Variants in DOK7 observed in about 807,000 individuals in gnomAD.
The protein encoded by DOK7 is docking protein 7.
In DOK7, 32 loss-of-function variants were observed where a neutral mutation model predicts 30.7. That is an observed-to-expected ratio of 1.04 (90% CI 0.79 to 1.40). The LOEUF is 1.40. DOK7 is among the 40% of genes most tolerant of loss of function. The probability of loss-of-function intolerance (pLI) is 0.00; values close to 1 mark genes in which losing one functional copy is unlikely to be tolerated. For missense variants in DOK7, 1,007 were observed against 699.2 expected, an observed-to-expected ratio of 1.44 and a Z score of -4.97; for synonymous variants, 447 against 324.1, an observed-to-expected ratio of 1.38 and a Z score of -4.07.
At chr4:3,481,191 G>C (rs528042285) in intron 4 of DOK7, among the ~76,000 whole-genome samples, 2 of 151,848 alleles carry the variant, frequency 1.3e-5, no homozygotes, top group African/African-American at 4.8e-5. Flanking sequence ...CCATTGTCTC[G>C]GAGCAGCAGG....
chr4:3,497,542 T>C (rs540734824), downstream of DOK7, among the ~76,000 whole-genome samples: 8 of 152,148 alleles, frequency 5.3e-5, no homozygotes, highest in African/African-American at 1.9e-4. Context: ...ACGGCTGGCC[T>C]GGGGTAGATG....
chr4:3,478,289 G>A (rs548553118), intron 4 of DOK7, among the ~76,000 whole-genome samples: 4 of 152,214 alleles, frequency 2.6e-5, no homozygotes, highest in Non-Finnish European at 2.9e-5. Flanking sequence ...GGCCGTGGAG[G>A]TTCACATCCC....
intron 6 of DOK7, among the ~76,000 whole-genome samples, chr4:3,491,330 ATTCCTTCCTTCTTCGCCTGCTTGTTCC>A (rs1560229231): frequency 2.1e-5 from 1 of 47,894 alleles, no homozygotes; most frequent in African/African-American, 8.0e-5. Context: ...CTGCTCATTC[ATTCCTTCCTTCTTCGCCTGCTTGTTCC>A]TTCCTTCCTC....
intron 3 of DOK7, among the ~76,000 whole-genome samples, chr4:3,474,737 G>A (rs539454288): frequency 1.2e-3 from 176 of 152,078 alleles, no homozygotes; most frequent in East Asian, 1.7e-3. Context: ...CAGGAGAATC[G>A]CTTGAACCTG....
intron 3 of DOK7, among the ~76,000 whole-genome samples, chr4:3,474,493 T>C (rs894752849): frequency 1.3e-5 from 2 of 152,160 alleles, no homozygotes; most frequent in Admixed American, 6.5e-5. Flanking sequence ...CAGACCACCC[T>C]GGGCAACGTG....
chr4:3,496,708 C>A (rs1460384032), downstream of DOK7: 2 of 1,229,638 alleles, frequency 1.6e-6, no homozygotes, highest in Non-Finnish European at 1.1e-6. Context: ...TGACCCAGGT[C>A]CCCCAGCCTG....
intron 1 of DOK7, 33 bp downstream of exon 1, chr4:3,463,462 G>T (rs943989420): frequency 3.3e-6 from 4 of 1,215,538 alleles, no homozygotes; most frequent in Non-Finnish European, 3.3e-6. Context: ...GGGGGGGGGG[G>T]CGCGGGCGCG....
At chr4:3,471,748 C>G (rs1245926830) in intron 2 of DOK7, among the ~76,000 whole-genome samples, 1 of 152,216 alleles carries the variant, frequency 6.6e-6, no homozygotes, top group African/African-American at 2.4e-5. Flanking sequence ...CTTGGAGTTT[C>G]CAGAGGGGGC....
chr4:3,473,351 A>C, intron 2 of DOK7, 55 bp from the exon 3 acceptor site: 2 of 1,581,456 alleles, frequency 1.3e-6, no homozygotes, highest in Non-Finnish European at 1.7e-6. Context: ...CGGGGACGCC[A>C]AGGGTGCGGG....
chr4:3,485,722 C>G, intron 5 of DOK7, 64 bp downstream of exon 5: 2 of 1,426,466 alleles, frequency 1.4e-6, no homozygotes, highest in South Asian at 1.5e-5. Context: ...CGTCCCGGGG[C>G]GGGGGGCCAC....
At chr4:3,482,098 A>T (rs978569392) in intron 4 of DOK7, among the ~76,000 whole-genome samples, 9 of 152,034 alleles carry the variant, frequency 5.9e-5, no homozygotes, top group Non-Finnish European at 8.8e-5. Flanking sequence ...CAGGGCTCCT[A>T]TACAGCCCTT....
chr4:3,500,995 C>A (rs1729159830), exon 8 of DOK7: 1 of 1,095,160 alleles, frequency 9.1e-7, no homozygotes, highest in Non-Finnish European at 1.3e-6. Flanking sequence ...TTTTCAGGGC[C>A]CACGGCCAGG....
chr4:3,486,253 C>T (rs1357879257), intron 5 of DOK7, among the ~76,000 whole-genome samples: 1 of 152,234 alleles, frequency 6.6e-6, no homozygotes, highest in Non-Finnish European at 1.5e-5. Context: ...TGCTGGACCC[C>T]AGAGGGGCTC....
chr4:3,485,648 G>T lies in DOK7; in HGVS notation c.642G>T (p.Pro214=). The change falls in exon 5 of 7, where the codon CCG becomes CCT. Residue 214 remains proline, a synonymous_variant. Coordinates refer to ENST00000340083, the MANE Select transcript of DOK7 (RefSeq NM_173660.5). ...SPTKGPFGLR[P]VLPDPSPPGP... is the part of the protein sequence containing the mutation. Reference sequence around the variant, plus strand: ...CCAAGGGCCCCTTTGGGCTGCGGCCGGTTCTACCAGGTGCGTGTGGGAGCC... The same window carrying T: ...CCAAGGGCCCCTTTGGGCTGCGGCCTGTTCTACCAGGTGCGTGTGGGAGCC... The T allele has an allele frequency of 6.3e-7, 1 of 1,593,316 alleles. No individual in the cohort carries two copies. Among genetic ancestry groups the T allele is most frequent in the Non-Finnish European group, 8.6e-7 (1 of 1,169,012 alleles).
chr4:3,467,435 C>T (rs1372550048), intron 2 of DOK7, among the ~76,000 whole-genome samples: 2 of 150,132 alleles, frequency 1.3e-5, no homozygotes, highest in Non-Finnish European at 3.0e-5. Context: ...CTCAGCCTCA[C>T]GTGTCCAGGG....
intron 5 of DOK7, among the ~76,000 whole-genome samples, chr4:3,488,174 G>C (rs1001082864): frequency 1.3e-5 from 2 of 152,230 alleles, no homozygotes; most frequent in Admixed American, 1.3e-4. Flanking sequence ...AGGGCCACAG[G>C]GTCTTGGGCT....
chr4:3,484,553 G>A (rs1221965645), intron 4 of DOK7: 8 of 985,374 alleles, frequency 8.1e-6, no homozygotes, highest in Admixed American at 1.2e-4. Flanking sequence ...CATTCACGCG[G>A]CCGCCAGGGC....
In DOK7 at chr4:3,488,316, T is replaced by C. The variant is rs142117235; in HGVS notation, c.653-1361T>C. Among the ~76,000 whole-genome samples the C allele has an allele frequency of 3.8e-4, 58 of 152,308 alleles. No individual in the cohort carries two copies. The East Asian group carries it at 0.011, about 29-fold the overall frequency. On this transcript the variant is annotated intron_variant, in intron 5 of 6. Transcript: ENST00000340083. ...TCTCACCTGCCCGTGGGGAGGGCCC[T>C]GTTCTGAGGTCCTGATGGGGTCTCC...
At chr4:3,489,928 TC>T (rs1728092833) in intron 6 of DOK7, 132 bp downstream of exon 6, 1 of 1,385,300 alleles carries the variant, frequency 7.2e-7, no homozygotes, top group African/African-American at 1.5e-5. Flanking sequence ...TGTCTCCTGC[TC>T]ATTCATTCTT....
Sources: allele counts gnomAD v4.1 joint callset (sites outside exome capture counted in the v4.1 genomes callset), GRCh38; gene constraint gnomAD v4.1.1; transcripts MANE v1.5; gene names NCBI Gene and HGNC (gene_info 2026-07-23, HGNC 2026-07-21).